Variants in POTEJ observed in about 807,000 individuals in gnomAD.
POTEJ encodes POTE ankyrin domain family member J.
A neutral mutation model predicts 69.0 loss-of-function variants in POTEJ; 11 were observed. The ratio of observed to expected loss-of-function variants is 0.16; its 90% CI spans 0.10 to 0.26. POTEJ has a LOEUF of 0.26. Among genes scored for constraint, POTEJ ranks in the 10% least tolerant of loss-of-function variants. The pLI is 1.00. For missense variants in POTEJ, 327 were observed against 1,045.5 expected (o/e 0.31, Z 9.48); for synonymous variants, 117 against 381.1 (o/e 0.31, Z 8.07).
intron 3 of POTEJ, among the ~76,000 whole-genome samples, chr2:130,618,475 A>G (rs1249356442): frequency 2.0e-5 from 3 of 148,624 alleles, no homozygotes; most frequent in Non-Finnish European, 4.5e-5. Flanking sequence ...ATGGTGGTGC[A>G]TGGCTGTAGT....
chr2:130,643,564 G>C (rs1011566163), intron 10 of POTEJ, among the ~76,000 whole-genome samples: 1 of 144,672 alleles, frequency 6.9e-6, no homozygotes, highest in Admixed American at 7.0e-5. Flanking sequence ...CAGAATAGTG[G>C]AGGGAAACAT....
At position 130,637,023 on chromosome 2, in the gene POTEJ, G is replaced by T. The variant is rs1412292667; in HGVS notation, c.1299-1596G>T. ...GAACCCGGGAGGCGGAGCTTGCAGT[G>T]AGCCGAGATCGTTGCACTGCACTCC... On this transcript the variant is annotated intron_variant, in intron 9 of 14. Transcript: ENST00000409602. Among the ~76,000 whole-genome samples, 5 of 146,952 alleles carry T rather than the reference G, an allele frequency of 3.4e-5. 1 individual carries two copies. The highest frequency in any genetic ancestry group is 7.6e-5 in the Non-Finnish European group (5 of 65,624).
At chr2:130,629,273 G>A (rs1217588525) in intron 6 of POTEJ, among the ~76,000 whole-genome samples, 1 of 149,252 alleles carries the variant, frequency 6.7e-6, no homozygotes, top group Non-Finnish European at 1.5e-5. Context: ...ACAGGGCTTG[G>A]CTTATGTAGG....
chr2:130,636,723 T>C (rs1219172588), intron 9 of POTEJ, among the ~76,000 whole-genome samples: 1 of 148,384 alleles, frequency 6.7e-6, no homozygotes, highest in East Asian at 1.9e-4. Context: ...TGGATGTAGC[T>C]ACCTAATAAA....
chr2:130,636,517 G>T (rs577295315), intron 9 of POTEJ, among the ~76,000 whole-genome samples: 2 of 145,090 alleles, frequency 1.4e-5, no homozygotes, highest in Admixed American at 1.4e-4. Context: ...GACTCTTCTG[G>T]CCATCTCAAC....
intron 10 of POTEJ, among the ~76,000 whole-genome samples, chr2:130,639,247 G>C (rs1381625935): frequency 6.6e-6 from 1 of 152,198 alleles, no homozygotes; most frequent in African/African-American, 2.4e-5. Context: ...GTGGAGCCCT[G>C]CTCTGGGAGG....
At chr2:130,629,228 C>G (rs890639984) in intron 6 of POTEJ, among the ~76,000 whole-genome samples, 2 of 146,494 alleles carry the variant, frequency 1.4e-5, no homozygotes, top group East Asian at 1.9e-4. Flanking sequence ...ACCAGCTCAG[C>G]GGATTTGCAT....
rs543897688 is a variant in POTEJ, at chr2:130,656,834, G to T, written c.2074G>T (p.Ala692Ser). The T allele has an allele frequency of 2.5e-6, 4 of 1,600,284 alleles. No homozygotes were observed. In the East Asian group the frequency reaches 8.9e-5, roughly 36 times the overall value. ...AGFAGDDAPR[A>S]VFPSIVGCPR... is the part of the protein sequence containing the mutation. ...CTTTGCGGGCGACGATGCCCCCCGG[G>T]CTGTCTTCCCTTCCATCGTGGGGTG... Residue 692 changes from alanine (A) to serine (S), a missense_variant, in exon 15 of 15, where the codon GCT (alanine) becomes TCT (serine). Transcript: ENST00000409602.
At chr2:130,613,391 T>C (rs921430155) in intron 1 of POTEJ, among the ~76,000 whole-genome samples, 3 of 138,926 alleles carry the variant, frequency 2.2e-5, no homozygotes, top group African/African-American at 8.7e-5. Flanking sequence ...TGTGTATATA[T>C]ATATATATAT....
intron 6 of POTEJ, among the ~76,000 whole-genome samples, chr2:130,629,018 C>CA (rs1192762341): frequency 4.2e-3 from 525 of 124,146 alleles, no homozygotes; most frequent in African/African-American, 0.014. Context: ...GACCCTGGCT[C>CA]AAAAAAAAAA....
chr2:130,637,098 G>A lies in POTEJ; in HGVS notation c.1299-1521G>A, dbSNP rs1489830513. On this transcript the variant is annotated intron_variant, in intron 9 of 14. Transcript: ENST00000409602. ...CGTCTCAAAAAAAAAAAAAAAACAA[G>A]TTTGACATGGTTCTTTCTAACAGTT... 5.4e-5 allele frequency among the ~76,000 whole-genome samples: 8 copies of A among 148,528 alleles called. No homozygotes were observed. The East Asian group carries it at 1.4e-3, about 25-fold the overall frequency.
intron 11 of POTEJ, 127 bp from the exon 12 acceptor site, chr2:130,645,610 C>T (rs141545589): frequency 0.014 from 4,394 of 307,858 alleles, 3 homozygotes; most frequent in Non-Finnish European, 0.022. Flanking sequence ...ATTTTAATTA[C>T]TTTCTAATTT....
chr2:130,627,109 A>C (rs1466929255), intron 6 of POTEJ, among the ~76,000 whole-genome samples: 5 of 152,086 alleles, frequency 3.3e-5, no homozygotes, highest in Admixed American at 6.5e-5. Flanking sequence ...GTGAGGAAGA[A>C]GGAGGAAATT....
At chr2:130,652,851 G>A (rs1167649434) in intron 13 of POTEJ, among the ~76,000 whole-genome samples, 2 of 134,298 alleles carry the variant, frequency 1.5e-5, no homozygotes, top group Admixed American at 1.5e-4. Context: ...TTTACCGTTT[G>A]TACCTCTTCT....
intron 9 of POTEJ, among the ~76,000 whole-genome samples, chr2:130,636,888 C>T (rs1459186828): frequency 1.0e-4 from 15 of 147,002 alleles, no homozygotes; most frequent in Admixed American, 2.1e-4. Context: ...GTCAGGAGAT[C>T]GAGACCAGTG....
intron 9 of POTEJ, among the ~76,000 whole-genome samples, chr2:130,636,827 T>C (rs1686109530): frequency 6.8e-6 from 1 of 147,866 alleles, no homozygotes; most frequent in African/African-American, 2.5e-5. Context: ...GCATGGTGGC[T>C]CACACCTGTA....
rs1396803408 is a variant in POTEJ at position 130,638,300 on chromosome 2, G to C, written c.1299-319G>C. Reference sequence around the variant, plus strand: ...ACATTAAGCCTAAGAGAAGCAGCTTGTTCAAGAGCAAATAGCTGTTCATTA... The same window carrying C: ...ACATTAAGCCTAAGAGAAGCAGCTTCTTCAAGAGCAAATAGCTGTTCATTA... On this transcript the variant is annotated intron_variant, in intron 9 of 14. Transcript: ENST00000409602. Among the ~76,000 whole-genome samples the C allele has an allele frequency of 3.4e-4, 51 of 151,720 alleles. 1 individual carries two copies. The highest frequency in any genetic ancestry group is 1.3e-4 in the Admixed American group (2 of 15,230).
intron 6 of POTEJ, among the ~76,000 whole-genome samples, chr2:130,624,664 G>C (rs1306486948): frequency 2.9e-4 from 44 of 151,878 alleles, no homozygotes; most frequent in South Asian, 6.2e-4. Flanking sequence ...TGGTATGAGT[G>C]TGTGGCCTGG....
chr2:130,649,700 C>T (rs1028883733), intron 13 of POTEJ, among the ~76,000 whole-genome samples: 1 of 151,566 alleles, frequency 6.6e-6, no homozygotes, highest in Non-Finnish European at 1.5e-5. Context: ...ACCTCTCCTG[C>T]TGAAACTTCT....
Sources: gnomAD v4.1 joint callset for allele counts (sites outside exome capture counted in the v4.1 genomes callset) on GRCh38, gnomAD v4.1.1 for gene constraint, MANE v1.5 for transcripts, NCBI Gene and HGNC (gene_info 2026-07-23, HGNC 2026-07-21) for gene names.